SHTN1: variants seen among roughly 807,000 people sequenced by gnomAD.
SHTN1 encodes the protein shootin-1.
SHTN1 carries 42 observed loss-of-function variants against 83.1 expected under a neutral mutation model. The ratio of observed to expected loss-of-function variants is 0.51; its 90% confidence interval spans 0.39 to 0.65. The LOEUF is 0.65. Among genes scored for constraint, SHTN1 ranks in the 30% least tolerant of loss-of-function variants. The pLI is 0.00. For missense variants in SHTN1, 622 were observed against 737.8 expected (o/e 0.84, Z 1.82); for synonymous variants, 224 against 247.7 (o/e 0.90, Z 0.90).
In SHTN1 at chr10:116,976,313, A is replaced by G. The variant is rs568244247; in HGVS notation, c.111+2943T>C. Reference sequence around the variant, plus strand: ...TGTCTCAACGCAAGAGAGTCCAAACAGGGCAGGAAAAGATCCTGCCCAAAG... The same window carrying G: ...TGTCTCAACGCAAGAGAGTCCAAACGGGGCAGGAAAAGATCCTGCCCAAAG... On this transcript the variant is annotated intron_variant, in intron 2 of 16. Coordinates refer to ENST00000355371, the MANE Select transcript of SHTN1 (RefSeq NM_001127211.3). Among the ~76,000 whole-genome samples the G allele has an allele frequency of 7.3e-4, 111 of 152,350 alleles. 2 individuals carry two copies. In the South Asian group the frequency reaches 0.022, roughly 30 times the overall value.
At chr10:117,053,617 A>G (rs1342814257) in intron 1 of SHTN1, among the ~76,000 whole-genome samples, 1 of 152,216 alleles carries the variant, frequency 6.6e-6, no homozygotes, top group Non-Finnish European at 1.5e-5. Flanking sequence ...AAGTGTTGGC[A>G]AGGATGTGGA....
chr10:116,946,963 C>T (rs375442143), intron 7 of SHTN1, among the ~76,000 whole-genome samples: 5 of 151,790 alleles, frequency 3.3e-5, no homozygotes, highest in Admixed American at 2.0e-4. Context: ...TCAAGTAATC[C>T]GCCCACCTCA....
rs1848563700 is a variant in SHTN1, at chr10:116,921,477, A to G, written c.1152T>C (p.Ser384=). ...CCTTTTCTTTCTTAGCACCACTGCC[A>G]CTGGGGTGGGATCGTTTCCGGATCA... The part of the protein sequence containing the change: ...MSMIRKRSHP[S]GSGAKKEKAT... Residue 384 remains serine (S), a synonymous_variant, in exon 12 of 17, where the codon AGT becomes AGC. Transcript: ENST00000355371. 6.2e-7 allele frequency: 1 copy of G among 1,613,894 alleles called. No individual in the cohort carries two copies. The highest frequency in any genetic ancestry group is 2.2e-5 in the East Asian group (1 of 44,860).
At position 116,912,922 on chromosome 10, in the gene SHTN1, A is replaced by G. The variant is rs567465474; in HGVS notation, c.1306-1079T>C. Among the ~76,000 whole-genome samples the G allele has an allele frequency of 3.5e-4, 54 of 152,304 alleles. 1 individual carries two copies. In the East Asian group the frequency reaches 0.01, roughly 29 times the overall value. On this transcript the variant is annotated intron_variant, in intron 13 of 16. Transcript: ENST00000355371. ...ACTTCAAATTTTAAAAACAGAGAAG[A>G]GAGAGGTTTGCTGCTCATGTACAAA...
At chr10:117,009,640 C>T (rs1852072480), upstream of SHTN1, among the ~76,000 whole-genome samples, 1 of 152,068 alleles carries the variant, frequency 6.6e-6, no homozygotes, top group African/African-American at 2.4e-5. Context: ...CACGGTGGCT[C>T]AAGCCCGTAA....
chr10:116,954,336 C>T, intron 4 of SHTN1, 126 bp from the exon 5 acceptor site: 2 of 574,586 alleles, frequency 3.5e-6, no homozygotes, highest in Non-Finnish European at 6.0e-6. Context: ...CAGGACATAA[C>T]AATTAGTGGA....
chr10:116,888,198 G>A (rs1033637611), intron 16 of SHTN1, among the ~76,000 whole-genome samples: 1 of 152,142 alleles, frequency 6.6e-6, no homozygotes. Context: ...GCCTGATTAT[G>A]GCACCATGAC....
At chr10:117,078,541 T>C (rs1249900509) in intron 1 of SHTN1, among the ~76,000 whole-genome samples, 1 of 152,228 alleles carries the variant, frequency 6.6e-6, no homozygotes, top group African/African-American at 2.4e-5. Flanking sequence ...ACCATGCAGA[T>C]GCTCCTGATG....
chr10:117,099,944 G>A (rs886870796), intron 1 of SHTN1, among the ~76,000 whole-genome samples: 2 of 151,586 alleles, frequency 1.3e-5, no homozygotes, highest in South Asian at 2.1e-4. Context: ...TTGGGAGGCC[G>A]AGGTGGGTGG....
At chr10:116,950,792 C>A (rs1167465373) in intron 6 of SHTN1, among the ~76,000 whole-genome samples, 1 of 152,122 alleles carries the variant, frequency 6.6e-6, no homozygotes, top group Non-Finnish European at 1.5e-5. Context: ...CCATTCGTTA[C>A]AATGTTTTGC....
At chr10:116,942,703 A>G (rs1849425328) in intron 8 of SHTN1, among the ~76,000 whole-genome samples, 2 of 152,224 alleles carry the variant, frequency 1.3e-5, no homozygotes, top group Non-Finnish European at 2.9e-5. Flanking sequence ...TGTGCAAGGC[A>G]CACATACTCC....
intron 2 of SHTN1, among the ~76,000 whole-genome samples, chr10:117,028,595 C>T (rs1235720030): frequency 6.6e-6 from 1 of 152,130 alleles, no homozygotes; most frequent in African/African-American, 2.4e-5. Context: ...AATATGGCTC[C>T]CTACATCCCG....
chr10:117,026,516 G>A lies in SHTN1; in HGVS notation c.-123+21929C>T, dbSNP rs185086663. On this transcript the variant is annotated intron_variant, in intron 2 of 17. Transcript: ENST00000392901. ...CAGCTCACTGCAACCTCCTTCTCCC[G>A]AATTCAAGCAATTCTCCTGCCTCAG... Among the ~76,000 whole-genome samples the A allele has an allele frequency of 1.3e-4, 20 of 151,118 alleles. 1 individual carries two copies. The highest frequency in any genetic ancestry group is 3.4e-3 in the Middle Eastern group (1 of 294).
chr10:116,935,977 A>C (rs1849144528), intron 9 of SHTN1, among the ~76,000 whole-genome samples: 1 of 152,058 alleles, frequency 6.6e-6, no homozygotes, highest in Non-Finnish European at 1.5e-5. Context: ...GTATTCTCTG[A>C]TGGTAGTTTG....
intron 1 of SHTN1, among the ~76,000 whole-genome samples, chr10:117,112,381 T>C (rs955610668): frequency 6.6e-6 from 1 of 152,222 alleles, no homozygotes; most frequent in East Asian, 1.9e-4. Flanking sequence ...TACACAAAGG[T>C]TGGTATCACA....
At chr10:116,911,339 G>A (rs893519139) in intron 14 of SHTN1, among the ~76,000 whole-genome samples, 2 of 152,138 alleles carry the variant, frequency 1.3e-5, no homozygotes, top group African/African-American at 2.4e-5. Context: ...TAATTGTTTC[G>A]ACTGTGAGGA....
intron 1 of SHTN1, among the ~76,000 whole-genome samples, chr10:117,112,693 G>A (rs373272411): frequency 2.6e-5 from 4 of 152,158 alleles, no homozygotes; most frequent in Non-Finnish European, 2.9e-5. Flanking sequence ...CAGCCTAGAC[G>A]TATTTCCACT....
At chr10:116,901,523 C>T (rs1235250463) in intron 16 of SHTN1, 1 of 985,180 alleles carries the variant, frequency 1.0e-6, no homozygotes, top group African/African-American at 1.7e-5. Flanking sequence ...GTAGAAGAAC[C>T]TGATTACCAA....
At chr10:117,120,248 A>AT (rs60258460) in intron 1 of SHTN1, among the ~76,000 whole-genome samples, 7,687 of 139,986 alleles carry the variant, frequency 0.055, 379 homozygotes, top group African/African-American at 0.12. Flanking sequence ...CCATGATGTG[A>AT]TTTTTTTTTT....
Sources: gnomAD v4.1 joint callset for allele counts (sites outside exome capture counted in the v4.1 genomes callset) on GRCh38, gnomAD v4.1.1 for gene constraint, MANE v1.5 for transcripts, NCBI Gene and HGNC (gene_info 2026-07-23, HGNC 2026-07-21) for gene names.